Variants in CSMD1 observed in about 807,000 individuals in gnomAD.
CSMD1 encodes the protein CUB and sushi domain-containing protein 1.
Under a neutral mutation model 417.5 loss-of-function variants are expected in CSMD1, and 213 were observed. The observed-to-expected ratio is 0.51, with a 90% CI of 0.46 to 0.57. The LOEUF (loss-of-function observed/expected upper bound fraction) is 0.57, where lower values mean the gene tolerates loss of function less well. CSMD1 is among the 20% of genes least tolerant of loss of function. CSMD1 has a pLI of 0.00. For missense variants in CSMD1, 6,923 were observed against 4,529.7 expected, an observed-to-expected ratio of 1.53 and a Z score of -15.17; for synonymous variants, 2,862 against 1,736.8, an observed-to-expected ratio of 1.65 and a Z score of -16.11.
chr8:4,807,225 G>A (rs946298362), intron 1 of CSMD1, among the ~76,000 whole-genome samples: 1 of 152,046 alleles, frequency 6.6e-6, no homozygotes, highest in Non-Finnish European at 1.5e-5. Context: ...CACTCACCCG[G>A]GGGTTCGGCA....
chr8:3,937,409 A>G (rs1472945331), intron 5 of CSMD1, among the ~76,000 whole-genome samples: 3 of 152,182 alleles, frequency 2.0e-5, no homozygotes, highest in African/African-American at 7.2e-5. Context: ...AGAAATTGCA[A>G]GTCACCTCAA....
chr8:3,968,951 T>C (rs901459405), intron 5 of CSMD1, among the ~76,000 whole-genome samples: 1 of 152,148 alleles, frequency 6.6e-6, no homozygotes, highest in Non-Finnish European at 1.5e-5. Flanking sequence ...CTACTCTTCT[T>C]TACTAAGACC....
intron 3 of CSMD1, among the ~76,000 whole-genome samples, chr8:4,313,119 T>C (rs1280620158): frequency 6.6e-6 from 1 of 152,198 alleles, no homozygotes; most frequent in African/African-American, 2.4e-5. Flanking sequence ...TGGTCCCTTA[T>C]TGGTCCCTTA....
chr8:4,130,597 G>A (rs1229703747), intron 3 of CSMD1, among the ~76,000 whole-genome samples: 2 of 152,042 alleles, frequency 1.3e-5, no homozygotes, highest in African/African-American at 4.8e-5. Flanking sequence ...TTGCAAAATT[G>A]TATTACGCTC....
chr8:3,147,837 G>C (rs938700188), intron 40 of CSMD1, among the ~76,000 whole-genome samples: 2 of 152,160 alleles, frequency 1.3e-5, no homozygotes, highest in African/African-American at 4.8e-5. Context: ...GCAGAGTAGT[G>C]ATAGCAATGC....
rs397790425 is a variant in CSMD1 at position 4,181,367 on chromosome 8, AT to A, written c.416-149269del. On this transcript the variant is annotated intron_variant, in intron 3 of 69. Transcript: ENST00000635120. ...GGTACGGTTTCTCATTTATTTATTT[AT>A]TTTTTTTTTGAATGCTTAAACTATA... 5.8e-3 allele frequency among the ~76,000 whole-genome samples: 868 copies of A among 150,366 alleles called. 12 individuals are homozygous for A. Among genetic ancestry groups the A allele is most frequent in the African/African-American group, 0.02 (826 of 40,840 alleles).
chr8:4,896,819 T>C (rs1036983097), intron 1 of CSMD1, among the ~76,000 whole-genome samples: 26 of 151,930 alleles, frequency 1.7e-4, no homozygotes, highest in Non-Finnish European at 3.2e-4. Context: ...AGTGCAGGGC[T>C]ATCCAGTGAG....
intron 2 of CSMD1, among the ~76,000 whole-genome samples, chr8:4,565,257 A>G (rs1798534784): frequency 6.6e-6 from 1 of 152,188 alleles, no homozygotes; most frequent in Non-Finnish European, 1.5e-5. Flanking sequence ...CTCATTCACA[A>G]TAGTGTGCAG....
At chr8:4,052,115 G>A (rs776913541) in intron 3 of CSMD1, among the ~76,000 whole-genome samples, 7 of 151,922 alleles carry the variant, frequency 4.6e-5, no homozygotes, top group Non-Finnish European at 8.8e-5. Context: ...AATAGAGACA[G>A]GGTTTCACCA....
rs116167482 is a variant in CSMD1, at chr8:3,008,171, G to A, written c.8030-8040C>T. 3.0e-3 allele frequency among the ~76,000 whole-genome samples: 452 copies of A among 152,300 alleles called. 5 individuals carry two copies. Among genetic ancestry groups the A allele is most frequent in the African/African-American group, 0.01 (434 of 41,572 alleles). ...AAATAGAGTATGTCGCAAGCAAAAT[G>A]TCAGGAAGAAGGCTCGAGAGGGAGG... On this transcript the variant is annotated intron_variant, in intron 52 of 69. Coordinates refer to ENST00000635120, the MANE Select transcript of CSMD1 (RefSeq NM_033225.6).
At chr8:3,490,209 C>T (rs933407514) in intron 11 of CSMD1, among the ~76,000 whole-genome samples, 1 of 152,130 alleles carries the variant, frequency 6.6e-6, no homozygotes, top group East Asian at 1.9e-4. Context: ...CAGCTGATCC[C>T]GGCTGCATTA....
Position 3,102,314 on chromosome 8 carries a change from G to T in CSMD1, c.6949+4214C>A, listed in dbSNP as rs1423353177. Among the ~76,000 whole-genome samples, 4 of 152,294 alleles carry T rather than the reference G, an allele frequency of 2.6e-5. No individual in the cohort carries two copies. In the East Asian group the frequency reaches 5.8e-4, roughly 22 times the overall value. ...TATTTCCTGTTTGTTTTCAAATGAT[G>T]AGTTGTTTAGAGAATGACAGCTAAG... On this transcript the variant is annotated intron_variant, in intron 46 of 69. Coordinates refer to ENST00000635120, the MANE Select transcript of CSMD1 (RefSeq NM_033225.6).
chr8:4,355,187 G>C (rs898809319), intron 3 of CSMD1, among the ~76,000 whole-genome samples: 1 of 151,890 alleles, frequency 6.6e-6, no homozygotes, highest in African/African-American at 2.4e-5. Context: ...GCGTGAACCT[G>C]GGAGGCGGAG....
At chr8:3,002,662 A>G (rs939732724) in intron 52 of CSMD1, among the ~76,000 whole-genome samples, 16 of 152,276 alleles carry the variant, frequency 1.1e-4, no homozygotes, top group Non-Finnish European at 1.9e-4. Flanking sequence ...TTAAACCTTA[A>G]TATTTTTCTG....
chr8:3,581,184 T>C (rs1157220775), intron 9 of CSMD1, among the ~76,000 whole-genome samples: 1 of 152,150 alleles, frequency 6.6e-6, no homozygotes, highest in African/African-American at 2.4e-5. Context: ...ACATTTTACT[T>C]AAAAAAATAG....
intron 7 of CSMD1, among the ~76,000 whole-genome samples, chr8:3,628,638 G>T (rs183395994): frequency 6.6e-6 from 1 of 152,052 alleles, no homozygotes; most frequent in East Asian, 1.9e-4. Context: ...GGCAGCTCCC[G>T]CAGAGGGGAG....
chr8:3,524,053 GCACACACATGCACACACTTACACATGCA>G, intron 10 of CSMD1, among the ~76,000 whole-genome samples: 1 of 116,318 alleles, frequency 8.6e-6, no homozygotes, highest in South Asian at 2.8e-4. Context: ...AGAGACACGT[GCACACACATGCACACACTTACACATGCA>G]CACACGCATG....
intron 12 of CSMD1, among the ~76,000 whole-genome samples, chr8:3,431,607 A>T (rs1427702501): frequency 6.6e-6 from 1 of 152,040 alleles, no homozygotes; most frequent in Non-Finnish European, 1.5e-5. Flanking sequence ...TACTTGATTT[A>T]CCTCATTTCC....
At chr8:3,193,064 G>C (rs1391853160) in intron 33 of CSMD1, among the ~76,000 whole-genome samples, 1 of 152,128 alleles carries the variant, frequency 6.6e-6, no homozygotes, top group Admixed American at 6.5e-5. Flanking sequence ...TCGTGGCAAA[G>C]GTTGCACTTA....
Sources: gnomAD v4.1 joint callset for allele counts (sites outside exome capture counted in the v4.1 genomes callset) on GRCh38, gnomAD v4.1.1 for gene constraint, MANE v1.5 for transcripts, NCBI Gene and HGNC (gene_info 2026-07-23, HGNC 2026-07-21) for gene names.